PCSK2: variants seen among roughly 807,000 people sequenced by gnomAD.
PCSK2 encodes the protein neuroendocrine convertase 2.
A neutral mutation model predicts 69.7 loss-of-function variants in PCSK2; 14 were observed. The observed-to-expected ratio is 0.20, with a 90% CI of 0.13 to 0.31. PCSK2 has a LOEUF of 0.31. PCSK2 is among the 10% of genes least tolerant of loss of function. PCSK2 has a pLI of 1.00. For synonymous variants in PCSK2, 307 were observed against 320.7 expected (o/e 0.96, Z 0.46); for missense variants, 544 against 842.5 (o/e 0.65, Z 4.39).
chr20:17,335,516 G>A (rs1290259865), intron 2 of PCSK2, among the ~76,000 whole-genome samples: 1 of 142,774 alleles, frequency 7.0e-6, no homozygotes, highest in East Asian at 2.2e-4. Flanking sequence ...TATTTCAGTA[G>A]GTTTTGGGGA....
At chr20:17,378,315 C>T (rs532962642) in intron 5 of PCSK2, among the ~76,000 whole-genome samples, 13 of 152,242 alleles carry the variant, frequency 8.5e-5, no homozygotes, top group East Asian at 1.9e-4. Flanking sequence ...TTCATCAATA[C>T]GATACTAGAC....
chr20:17,403,558 A>G (rs1173245689), intron 5 of PCSK2, among the ~76,000 whole-genome samples: 2 of 152,244 alleles, frequency 1.3e-5, no homozygotes, highest in South Asian at 2.1e-4. Context: ...TTGAGAGTCT[A>G]TCTGAAGGAG....
At chr20:17,277,538 C>A (rs1988131090) in intron 2 of PCSK2, among the ~76,000 whole-genome samples, 1 of 152,132 alleles carries the variant, frequency 6.6e-6, no homozygotes, top group African/African-American at 2.4e-5. Flanking sequence ...GAAACTGGAT[C>A]CCCTCCTTAC....
At position 17,454,164 on chromosome 20, in the gene PCSK2, G is replaced by A. The variant is rs1208717467; in HGVS notation, c.1101+207G>A. ...CCATCTGCGAGCTAGTAGCATGATCGGTGAGGACTCCTTTCTGGATCGTTT... is the reference window on the plus strand; with the variant it reads ...CCATCTGCGAGCTAGTAGCATGATCAGTGAGGACTCCTTTCTGGATCGTTT... On this transcript the variant is annotated intron_variant, in intron 9 of 11. Coordinates refer to ENST00000262545, the MANE Select transcript of PCSK2 (RefSeq NM_002594.5). Among the ~76,000 whole-genome samples the A allele has an allele frequency of 5.3e-5, 8 of 152,264 alleles. No homozygotes were observed. The East Asian group carries it at 1.4e-3, about 26-fold the overall frequency.
At chr20:17,310,923 C>A (rs1989487154) in intron 2 of PCSK2, among the ~76,000 whole-genome samples, 1 of 149,768 alleles carries the variant, frequency 6.7e-6, no homozygotes, top group Admixed American at 6.7e-5. Flanking sequence ...ATTGCTTAAA[C>A]CTGGAGGGGC....
At chr20:17,447,890 T>C (rs1305956165) in intron 8 of PCSK2, among the ~76,000 whole-genome samples, 1 of 152,202 alleles carries the variant, frequency 6.6e-6, no homozygotes, top group Non-Finnish European at 1.5e-5. Flanking sequence ...AGTTGATCTA[T>C]TTTTATTATC....
At chr20:17,360,501 A>G (rs1321201502) in intron 3 of PCSK2, 31 bp from the exon 4 acceptor site, 1 of 1,357,664 alleles carries the variant, frequency 7.4e-7, no homozygotes, top group Non-Finnish European at 1.0e-6. Flanking sequence ...CCAAACTAAT[A>G]CCATTCTCTG....
intron 8 of PCSK2, among the ~76,000 whole-genome samples, chr20:17,448,616 A>G (rs1000046495): frequency 2.0e-5 from 3 of 152,114 alleles, no homozygotes; most frequent in Non-Finnish European, 4.4e-5. Context: ...TGTCCTTTGC[A>G]TAGAAGTTTA....
At chr20:17,436,051 T>C (rs1016534557) in intron 7 of PCSK2, among the ~76,000 whole-genome samples, 2 of 152,204 alleles carry the variant, frequency 1.3e-5, no homozygotes, top group African/African-American at 4.8e-5. Flanking sequence ...CCACGAGGCA[T>C]CAGAGAGGAA....
chr20:17,454,057 C>T (rs1432544989), intron 9 of PCSK2, 100 bp downstream of exon 9: 2 of 1,510,290 alleles, frequency 1.3e-6, no homozygotes, highest in Non-Finnish European at 1.8e-6. Flanking sequence ...CTGTCCCCTC[C>T]CTCAGAGCCT....
chr20:17,348,109 AAAAG>A (rs1027965040), intron 2 of PCSK2, among the ~76,000 whole-genome samples: 3 of 151,494 alleles, frequency 2.0e-5, no homozygotes, highest in Non-Finnish European at 4.4e-5. Context: ...GAAAGAAAAG[AAAAG>A]AAAGAGAGAG....
chr20:17,347,622 G>A (rs1048714888), intron 2 of PCSK2, among the ~76,000 whole-genome samples: 6 of 152,020 alleles, frequency 3.9e-5, no homozygotes, highest in African/African-American at 1.5e-4. Flanking sequence ...TGATGACGAT[G>A]TGTCAGTGTC....
chr20:17,292,025 T>C (rs752743313), intron 2 of PCSK2, among the ~76,000 whole-genome samples: 43 of 152,234 alleles, frequency 2.8e-4, no homozygotes, highest in Non-Finnish European at 4.7e-4. Flanking sequence ...CAAGAAATAT[T>C]GGGAAGTATA....
intron 2 of PCSK2, among the ~76,000 whole-genome samples, chr20:17,324,233 T>C (rs1826101762): frequency 6.6e-6 from 1 of 152,166 alleles, no homozygotes; most frequent in Admixed American, 6.5e-5. Context: ...TGGGGTCTTC[T>C]GGAGAAGCTC....
Position 17,482,296 on chromosome 20 carries a change from G to T in PCSK2, c.*226G>T. ...TCCCAACAACATCCATGTCCTATGT[G>T]TGACTCTAAATTCTTTATTTCTGTC... On this transcript the variant is annotated 3_prime_UTR_variant, in exon 12 of 12. Transcript: ENST00000262545. The T allele has an allele frequency of 5.2e-6, 1 of 191,096 alleles. No individual in the cohort carries two copies. The highest frequency in any genetic ancestry group is 1.0e-5 in the Non-Finnish European group (1 of 99,312). 11.8% of individuals were successfully genotyped at this position (191,096 alleles called of 1,614,324 possible).
chr20:17,476,685 GC>G (rs559397739), intron 11 of PCSK2, among the ~76,000 whole-genome samples: 59 of 152,266 alleles, frequency 3.9e-4, no homozygotes, highest in African/African-American at 1.3e-3. Flanking sequence ...GCAAATACTT[GC>G]CCACAACTGG....
rs374751664 is a variant in PCSK2, at chr20:17,369,263, C to T, written c.529C>T (p.Leu177=). 1.9e-6 allele frequency: 3 copies of T among 1,613,946 alleles called. No individual in the cohort carries two copies. Among genetic ancestry groups the T allele is most frequent in the South Asian group, 2.2e-5 (2 of 91,064 alleles). ...AGGGATTGACTATCTCCACCCGGAC[C>T]TGGCCTCCAACTATGTAAGTACAAG... is the stretch of plus-strand genomic sequence containing the variant. ...DDGIDYLHPD[L]ASNYNAEASY... Residue 177 remains leucine (L), a synonymous_variant, in exon 5 of 12, where the codon CTG becomes TTG. Coordinates refer to ENST00000262545, the MANE Select transcript of PCSK2 (RefSeq NM_002594.5).
chr20:17,270,632 C>G (rs575532728), intron 2 of PCSK2, among the ~76,000 whole-genome samples: 8 of 152,068 alleles, frequency 5.3e-5, no homozygotes, highest in Non-Finnish European at 1.0e-4. Flanking sequence ...GTTTTCCATT[C>G]CCCCTGAAAA....
intron 6 of PCSK2, among the ~76,000 whole-genome samples, chr20:17,418,855 T>C (rs903682701): frequency 5.3e-5 from 8 of 152,204 alleles, no homozygotes; most frequent in African/African-American, 1.7e-4. Context: ...AACTCCAGTA[T>C]AGGGCTGACA....
Sources: allele counts gnomAD v4.1 joint callset (sites outside exome capture counted in the v4.1 genomes callset), GRCh38; gene constraint gnomAD v4.1.1; transcripts MANE v1.5; gene names NCBI Gene and HGNC (gene_info 2026-07-23, HGNC 2026-07-21).